The following NALF1 variants were observed in gnomAD, a reference collection of about 807,000 sequenced individuals.
NALF1 encodes the protein NALCN channel auxiliary factor 1.
Under a neutral mutation model 48.4 loss-of-function variants are expected in NALF1, and 3 were observed. That is an observed-to-expected ratio of 0.06 (90% CI 0.03 to 0.16). NALF1 has a LOEUF of 0.16. NALF1 is among the 10% of genes least tolerant of loss of function. NALF1 has a pLI of 1.00. For synonymous variants in NALF1, 262 were observed against 245.7 expected (o/e 1.07, Z -0.62); for missense variants, 526 against 571.5 (o/e 0.92, Z 0.81).
chr13:107,322,596 A>C (rs1033874964), intron 1 of NALF1, among the ~76,000 whole-genome samples: 6 of 152,176 alleles, frequency 3.9e-5, no homozygotes, highest in Non-Finnish European at 7.3e-5. Context: ...GGATGACTGA[A>C]GACCAGCCTA....
At chr13:107,715,114 C>G (rs1226096251) in intron 1 of NALF1, among the ~76,000 whole-genome samples, 1 of 152,016 alleles carries the variant, frequency 6.6e-6, no homozygotes, top group East Asian at 1.9e-4. Flanking sequence ...CGGCATTTAG[C>G]ATTTATCATT....
intron 1 of NALF1, among the ~76,000 whole-genome samples, chr13:107,764,351 TATAAC>T (rs777628927): frequency 1.3e-5 from 2 of 152,150 alleles, no homozygotes; most frequent in South Asian, 2.1e-4. Context: ...TGCATAATGT[TATAAC>T]ATAATACATA....
intron 1 of NALF1, among the ~76,000 whole-genome samples, chr13:107,703,148 C>T (rs1231096368): frequency 1.3e-5 from 2 of 152,058 alleles, no homozygotes; most frequent in Non-Finnish European, 2.9e-5. Flanking sequence ...GGATATTCAA[C>T]CCTGTCACTC....
chr13:107,626,531 G>A (rs1879678022), intron 1 of NALF1, among the ~76,000 whole-genome samples: 1 of 152,048 alleles, frequency 6.6e-6, no homozygotes, highest in Non-Finnish European at 1.5e-5. Context: ...GGCCATCAAT[G>A]GATGAATGGA....
At chr13:107,761,200 A>G (rs1278720750) in intron 1 of NALF1, among the ~76,000 whole-genome samples, 3 of 152,024 alleles carry the variant, frequency 2.0e-5, no homozygotes, top group African/African-American at 4.8e-5. Flanking sequence ...TACTAATAAT[A>G]CAAAAAATTA....
chr13:107,385,882 C>T (rs1883522645), intron 1 of NALF1, among the ~76,000 whole-genome samples: 2 of 152,198 alleles, frequency 1.3e-5, no homozygotes, highest in African/African-American at 2.4e-5. Context: ...CAGAATGGCC[C>T]TTGCTTTGTT....
intron 1 of NALF1, among the ~76,000 whole-genome samples, chr13:107,754,510 G>C (rs1877037598): frequency 6.6e-6 from 1 of 151,798 alleles, no homozygotes; most frequent in Non-Finnish European, 1.5e-5. Context: ...AAGTGTTTTT[G>C]CTGTGGGGCA....
chr13:107,602,853 T>C (rs905132835), intron 1 of NALF1, among the ~76,000 whole-genome samples: 1 of 152,174 alleles, frequency 6.6e-6, no homozygotes, highest in Non-Finnish European at 1.5e-5. Flanking sequence ...TATGCTTATA[T>C]GTCATTATAA....
At chr13:107,468,356 T>C (rs1380394024) in intron 1 of NALF1, among the ~76,000 whole-genome samples, 2 of 152,206 alleles carry the variant, frequency 1.3e-5, no homozygotes, top group African/African-American at 2.4e-5. Flanking sequence ...CATGACCGTT[T>C]TTCCACTCTC....
At chr13:107,201,535 C>A (rs1879520390) in intron 2 of NALF1, among the ~76,000 whole-genome samples, 1 of 152,074 alleles carries the variant, frequency 6.6e-6, no homozygotes. Flanking sequence ...CGAGATCGTG[C>A]CACTGCACTC....
At chr13:107,501,931 G>GA (rs1217528375) in intron 1 of NALF1, among the ~76,000 whole-genome samples, 2 of 152,100 alleles carry the variant, frequency 1.3e-5, no homozygotes, top group East Asian at 1.9e-4. Context: ...AGTGAAGGCA[G>GA]AAAAAATATC....
At chr13:107,852,667 A>G (rs1880347979) in intron 1 of NALF1, among the ~76,000 whole-genome samples, 1 of 152,238 alleles carries the variant, frequency 6.6e-6, no homozygotes, top group Non-Finnish European at 1.5e-5. Context: ...AGCATGGGCA[A>G]CCGAGAAAAT....
Position 107,381,065 on chromosome 13 carries a change from C to T in NALF1, c.916-170310G>A, listed in dbSNP as rs114058186. 3.7e-3 allele frequency among the ~76,000 whole-genome samples: 538 copies of T among 146,082 alleles called. 3 individuals are homozygous for T. The highest frequency in any genetic ancestry group is 0.013 in the African/African-American group (516 of 39,838). Reference sequence around the variant, plus strand: ...ATATGTAAAATAAAAAGTAAATATTCATATATACATGACATAATATATTCA... The same window carrying T: ...ATATGTAAAATAAAAAGTAAATATTTATATATACATGACATAATATATTCA... On this transcript the variant is annotated intron_variant, in intron 1 of 2. Transcript: ENST00000375915.
intron 1 of NALF1, among the ~76,000 whole-genome samples, chr13:107,580,646 CT>C (rs1878279304): frequency 6.6e-6 from 1 of 152,168 alleles, no homozygotes; most frequent in African/African-American, 2.4e-5. Flanking sequence ...AGAATGTTTT[CT>C]TGCTTGTGGC....
At chr13:107,708,398 T>C (rs1875466838) in intron 1 of NALF1, among the ~76,000 whole-genome samples, 1 of 152,196 alleles carries the variant, frequency 6.6e-6, no homozygotes. Flanking sequence ...ACGTTAGGTA[T>C]AGCAGGTGCC....
chr13:107,348,185 GTTGA>G (rs1268940954), intron 1 of NALF1, among the ~76,000 whole-genome samples: 5 of 152,112 alleles, frequency 3.3e-5, no homozygotes, highest in South Asian at 2.1e-4. Flanking sequence ...AGAGCTTCTG[GTTGA>G]TTGAGCAATC....
At chr13:107,865,650 C>A (rs779955882) in intron 1 of NALF1, 32 bp downstream of exon 1, 5 of 1,597,762 alleles carry the variant, frequency 3.1e-6, no homozygotes, top group Non-Finnish European at 4.3e-6. Flanking sequence ...TAGGAAAGTG[C>A]AGGAAAGGGG....
intron 1 of NALF1, among the ~76,000 whole-genome samples, chr13:107,372,219 C>T (rs1883260322): frequency 6.6e-6 from 1 of 152,226 alleles, no homozygotes; most frequent in African/African-American, 2.4e-5. Context: ...CATGTTTAAA[C>T]AATGTACATG....
At chr13:107,842,035 A>G (rs1880055513) in intron 1 of NALF1, among the ~76,000 whole-genome samples, 2 of 152,074 alleles carry the variant, frequency 1.3e-5, no homozygotes, top group African/African-American at 4.8e-5. Flanking sequence ...GAAGTATCAT[A>G]TTCATTTATA....
Sources: gnomAD v4.1 joint callset for allele counts (sites outside exome capture counted in the v4.1 genomes callset) on GRCh38, gnomAD v4.1.1 for gene constraint, MANE v1.5 for transcripts, NCBI Gene and HGNC (gene_info 2026-07-23, HGNC 2026-07-21) for gene names.